Variants in TNFRSF8 observed in about 807,000 individuals in gnomAD.
TNFRSF8 encodes TNF receptor superfamily member 8.
In TNFRSF8, 26 loss-of-function variants were observed where a neutral mutation model predicts 70.8. The observed-to-expected ratio is 0.37, with a 90% CI of 0.27 to 0.51. The LOEUF is 0.51. Ranked by LOEUF, TNFRSF8 falls within the 20% of genes least tolerant of loss-of-function variation. TNFRSF8 has a pLI of 0.94. For synonymous variants in TNFRSF8, 356 were observed against 339.2 expected, an observed-to-expected ratio of 1.05 and a Z score of -0.54; for missense variants, 720 against 807.9, an observed-to-expected ratio of 0.89 and a Z score of 1.32.
rs1018883308 is a variant in TNFRSF8 at position 12,109,892 on chromosome 1, C to T, written c.513-149C>T. On this transcript the variant is annotated intron_variant, in intron 5 of 14. Transcript: ENST00000263932. The surrounding 1 kb of genome is among the most constrained non-coding windows in gnomAD (Gnocchi z 4.4). ...ACCCACAGGGCTTAGAAAACACAGG[C>T]CTTGCTCCCAGGAGCTTACAGTGGG... 9.7e-7 allele frequency: 1 copy of T among 1,031,658 alleles called. No homozygotes were observed. Among genetic ancestry groups the T allele is most frequent in the African/African-American group, 1.6e-5 (1 of 62,320 alleles). The allele number at this position is 1,031,658 out of a possible 1,614,324, so 63.9% of individuals were successfully genotyped here.
chr1:12,116,604 C>A (rs979887145), intron 8 of TNFRSF8, among the ~76,000 whole-genome samples: 1 of 151,970 alleles, frequency 6.6e-6, no homozygotes, highest in Non-Finnish European at 1.5e-5. Context: ...AGTTCAAGAC[C>A]AGCCTGACCA....
chr1:12,133,099 G>A (rs999948138), intron 12 of TNFRSF8, among the ~76,000 whole-genome samples: 3 of 152,064 alleles, frequency 2.0e-5, no homozygotes, highest in Admixed American at 6.6e-5. Context: ...TTATAAACCC[G>A]CTGCTGTGCT....
At chr1:12,140,707 C>T (rs1164336216) in intron 14 of TNFRSF8, among the ~76,000 whole-genome samples, 2 of 152,206 alleles carry the variant, frequency 1.3e-5, no homozygotes, top group Non-Finnish European at 2.9e-5. Flanking sequence ...TCCAGATTTC[C>T]TGGGGACTCC....
intron 12 of TNFRSF8, among the ~76,000 whole-genome samples, chr1:12,128,648 C>T (rs886243284): frequency 2.6e-5 from 4 of 152,092 alleles, no homozygotes; most frequent in East Asian, 1.9e-4. Context: ...AGATTTTTCA[C>T]CCTTGGCACC....
intron 11 of TNFRSF8, 42 bp downstream of exon 11, chr1:12,126,094 C>T (rs1641933865): frequency 6.2e-7 from 1 of 1,609,770 alleles, no homozygotes; most frequent in East Asian, 2.2e-5. Flanking sequence ...GGACAGGTTG[C>T]TCTCTGCCAG....
At chr1:12,093,113 C>G (rs1409742973) in intron 2 of TNFRSF8, among the ~76,000 whole-genome samples, 1 of 152,104 alleles carries the variant, frequency 6.6e-6, no homozygotes, top group Non-Finnish European at 1.5e-5. Flanking sequence ...CCAAGTTTCC[C>G]CTTTTCATGA....
At position 12,104,398 on chromosome 1, in the gene TNFRSF8, G is replaced by A. The variant is rs1345608628; in HGVS notation, c.288G>A (p.Thr96=). ...TCSRDDLVEK[T]PCAWNSSRVC... ...CCTTAGACGACCTCGTGGAGAAGAC[G>A]CCGTGTGCATGGAACTCCTCCCGTG... The change falls in exon 4 of 15, where the codon ACG becomes ACA. Residue 96 remains threonine (T), a synonymous_variant. Coordinates refer to ENST00000263932, the MANE Select transcript of TNFRSF8 (RefSeq NM_001243.5). 4.3e-6 allele frequency: 7 copies of A among 1,614,030 alleles called. No homozygotes were observed. In the Middle Eastern group the frequency reaches 4.9e-4, roughly 114 times the overall value.
intron 2 of TNFRSF8, among the ~76,000 whole-genome samples, chr1:12,085,611 C>G (rs1641140501): frequency 6.6e-6 from 1 of 152,142 alleles, no homozygotes; most frequent in Non-Finnish European, 1.5e-5. Context: ...ACAACCTGGA[C>G]AATAGATTTC....
rs775088710 is a variant in TNFRSF8 at position 12,123,791 on chromosome 1, G to T, written c.1117G>T (p.Ala373Ser). The T allele has an allele frequency of 1.9e-6, 3 of 1,576,258 alleles. No individual in the cohort carries two copies. Among genetic ancestry groups the T allele is most frequent in the South Asian group, 2.3e-5 (2 of 85,780 alleles). The change falls in exon 10 of 15, where the codon GCT (alanine) becomes TCT (serine). Residue 373 changes from alanine (A) to serine (S), a missense_variant. Coordinates refer to ENST00000263932, the MANE Select transcript of TNFRSF8 (RefSeq NM_001243.5). ...GCCCATCCCAACCAGCGCTCCCGTC[G>T]CTCTCTCCTCCACGGGGAAGCCCGT... Reference protein sequence around the residue: ...TLPIPTSAPVALSSTGKPVLD... With the variant: ...TLPIPTSAPVSLSSTGKPVLD...
Position 12,109,692 on chromosome 1 carries a change from A to T in TNFRSF8, c.512+36A>T. 6.3e-7 allele frequency: 1 copy of T among 1,582,496 alleles called. No homozygotes were observed. Among genetic ancestry groups the T allele is most frequent in the Non-Finnish European group, 8.7e-7 (1 of 1,153,070 alleles). On this transcript the variant is annotated intron_variant, in intron 5 of 14. Coordinates refer to ENST00000263932, the MANE Select transcript of TNFRSF8 (RefSeq NM_001243.5). The surrounding 1 kb of genome is among the most constrained non-coding windows in gnomAD (Gnocchi z 4.4). ...GGCTTTGCCTCCTCCTCTTCCCCCA[A>T]GCTGGCTTTCAGATGAGGCTGCCCC...
In TNFRSF8 at chr1:12,138,140, A is replaced by T. The variant is rs768081267; in HGVS notation, c.1336-89A>T. 9.0e-5 allele frequency: 123 copies of T among 1,367,552 alleles called. No homozygotes were observed. Among genetic ancestry groups the T allele is most frequent in the Non-Finnish European group, 1.2e-4 (119 of 999,620 alleles). The allele number at this position is 1,367,552 out of a possible 1,614,324, so 84.7% of individuals were successfully genotyped here. ...GAAAGGGGGACTCACTGGGGTCTGT[A>T]GAGATGAAAAAAAAAAGGGGCCTCC... On this transcript the variant is annotated intron_variant, in intron 13 of 14. Coordinates refer to ENST00000263932, the MANE Select transcript of TNFRSF8 (RefSeq NM_001243.5). The surrounding 1 kb of genome is among the most constrained non-coding windows in gnomAD (Gnocchi z 5.7).
chr1:12,091,783 A>G (rs538627581), intron 2 of TNFRSF8, among the ~76,000 whole-genome samples: 13 of 152,294 alleles, frequency 8.5e-5, no homozygotes, highest in African/African-American at 3.1e-4. Flanking sequence ...GTTTTGTGGA[A>G]GATGATTCTT....
At position 12,108,236 on chromosome 1, in the gene TNFRSF8, G is replaced by A. The variant is rs1366707246; in HGVS notation, c.422-1330G>A. Reference sequence around the variant, plus strand: ...TGGGATTACAGGTACCTGCCACCATGCCCGGCTAATTTTTTGTAATTTTAG... The same window carrying A: ...TGGGATTACAGGTACCTGCCACCATACCCGGCTAATTTTTTGTAATTTTAG... On this transcript the variant is annotated intron_variant, in intron 4 of 14. Coordinates refer to ENST00000263932, the MANE Select transcript of TNFRSF8 (RefSeq NM_001243.5). This position sits in a 1 kb window ranked among gnomAD's most constrained non-coding sequence, Gnocchi z 4.0. Among the ~76,000 whole-genome samples, 1 of 151,706 alleles carries A rather than the reference G, an allele frequency of 6.6e-6. No homozygotes were observed. Among genetic ancestry groups the A allele is most frequent in the African/African-American group, 2.4e-5 (1 of 41,308 alleles).
chr1:12,128,976 A>G (rs1478090376), intron 12 of TNFRSF8, among the ~76,000 whole-genome samples: 1 of 151,362 alleles, frequency 6.6e-6, no homozygotes, highest in Non-Finnish European at 1.5e-5. Flanking sequence ...CTGGGATTAC[A>G]GGCTCCTGCC....
intron 2 of TNFRSF8, among the ~76,000 whole-genome samples, chr1:12,094,630 T>TG (rs1641299518): frequency 7.0e-6 from 1 of 143,102 alleles, no homozygotes; most frequent in Non-Finnish European, 1.5e-5. Context: ...TTTTTTTTTT[T>TG]GCTTTTTTTT....
At chr1:12,125,883 G>A (rs531729972) in intron 10 of TNFRSF8, 68 bp from the exon 11 acceptor site, 152 of 1,277,948 alleles carry the variant, frequency 1.2e-4, no homozygotes, top group South Asian at 9.0e-4. Context: ...GGAGGAAGTC[G>A]TCTGGGGCTG....
chr1:12,110,964 T>C lies in TNFRSF8; in HGVS notation c.676+760T>C, dbSNP rs1372811128. ...GATATGCCGAGCTCTGTTTATCCAGTTTTTGAATATTTGGGTTGTTTCTGC... is the reference window on the plus strand; with the variant it reads ...GATATGCCGAGCTCTGTTTATCCAGCTTTTGAATATTTGGGTTGTTTCTGC... On this transcript the variant is annotated intron_variant, in intron 6 of 14. Transcript: ENST00000263932. This position sits in a 1 kb window ranked among gnomAD's most constrained non-coding sequence, Gnocchi z 4.0. 6.6e-6 allele frequency among the ~76,000 whole-genome samples: 1 copy of C among 152,130 alleles called. No individual in the cohort carries two copies. Among genetic ancestry groups the C allele is most frequent in the Non-Finnish European group, 1.5e-5 (1 of 68,026 alleles).
chr1:12,106,396 C>T (rs964704219), intron 4 of TNFRSF8, among the ~76,000 whole-genome samples: 4 of 152,224 alleles, frequency 2.6e-5, no homozygotes, highest in African/African-American at 9.7e-5. Flanking sequence ...TCCCTGGCCT[C>T]TCACTAGGGA....
At chr1:12,097,058 G>C in intron 2 of TNFRSF8, 43 bp from the exon 3 acceptor site, 1 of 1,553,308 alleles carries the variant, frequency 6.4e-7, no homozygotes, top group Non-Finnish European at 8.9e-7. Context: ...TAAGGCCTTT[G>C]CTAAGTCAGC....
Sources: gnomAD v4.1 joint callset for allele counts (sites outside exome capture counted in the v4.1 genomes callset) on GRCh38, gnomAD v4.1.1 for gene constraint, Gnocchi (gnomAD v3.1) non-coding constraint, MANE v1.5 for transcripts, NCBI Gene and HGNC (gene_info 2026-07-23, HGNC 2026-07-21) for gene names.